SNX27: variants seen among roughly 807,000 people sequenced by gnomAD.
SNX27 encodes sorting nexin 27.
A neutral mutation model predicts 71.6 loss-of-function variants in SNX27; 22 were observed. The observed-to-expected ratio is 0.31, with a 90% CI of 0.22 to 0.44. The LOEUF (loss-of-function observed/expected upper bound fraction) is 0.44. Ranked by LOEUF, SNX27 falls within the 20% of genes least tolerant of loss-of-function variation. The pLI is 1.00. For synonymous variants in SNX27, 269 were observed against 277.2 expected (o/e 0.97, Z 0.29); for missense variants, 531 against 698.6 (o/e 0.76, Z 2.70).
rs374705161 is a variant in SNX27, at chr1:151,653,683, A to G, written c.544-4552A>G. 6.7e-4 allele frequency among the ~76,000 whole-genome samples: 102 copies of G among 151,674 alleles called. 1 individual carries two copies. The highest frequency in any genetic ancestry group is 2.4e-3 in the African/African-American group (98 of 41,364). On this transcript the variant is annotated intron_variant, in intron 2 of 11. Coordinates refer to ENST00000458013, the MANE Select transcript of SNX27 (RefSeq NM_001330723.2). ...CAAGCACACGTCATCACATCTGGCT[A>G]ATTTTTTTTTTACTTTTTGTAGAGA... is the stretch of plus-strand genomic sequence containing the variant.
chr1:151,695,374 A>T lies in SNX27; in HGVS notation c.*957A>T, dbSNP rs1671654502. On this transcript the variant is annotated 3_prime_UTR_variant, in exon 12 of 12. Transcript: ENST00000458013. The stretch of plus-strand genomic sequence containing the variant: ...TTGATGCCATGGGAACCTGAACCTG[A>T]AACACTTCATGGTAGTAATTTCCTG... 2 of 150,160 alleles carry T rather than the reference A, an allele frequency of 1.3e-5. No individual in the cohort carries two copies. Among genetic ancestry groups the T allele is most frequent in the Admixed American group, 1.3e-4 (2 of 15,078 alleles). 9.3% of individuals were successfully genotyped at this position (150,160 alleles called of 1,614,324 possible).
chr1:151,629,896 TATA>T (rs774318681), intron 1 of SNX27, among the ~76,000 whole-genome samples: 2 of 146,770 alleles, frequency 1.4e-5, no homozygotes, highest in African/African-American at 2.5e-5. Context: ...CATATATATA[TATA>T]TTTTTTTGTG....
At chr1:151,642,379 AG>A (rs1314175446) in intron 2 of SNX27, among the ~76,000 whole-genome samples, 4 of 151,754 alleles carry the variant, frequency 2.6e-5, no homozygotes, top group African/African-American at 7.3e-5. Context: ...ATCTCAAAAA[AG>A]AAAAAAAAAA....
chr1:151,685,554 T>C (rs1298930573), intron 8 of SNX27: 1 of 152,190 alleles, frequency 6.6e-6, no homozygotes, highest in Non-Finnish European at 1.5e-5. Flanking sequence ...TGGTAGCATG[T>C]GCCTGTAATC....
chr1:151,635,250 A>G (rs934804182), intron 1 of SNX27, among the ~76,000 whole-genome samples: 2 of 152,198 alleles, frequency 1.3e-5, no homozygotes, highest in African/African-American at 4.8e-5. Flanking sequence ...GCTTCCTCTC[A>G]TTTTAATTTT....
At chr1:151,693,899 G>T in intron 11 of SNX27, 2 of 1,384,348 alleles carry the variant, frequency 1.4e-6, no homozygotes, top group Non-Finnish European at 1.9e-6. Flanking sequence ...GTGAGGGAAG[G>T]TGTTTGCTGT....
intron 1 of SNX27, among the ~76,000 whole-genome samples, chr1:151,623,365 C>A (rs1264936525): frequency 2.0e-5 from 3 of 152,166 alleles, no homozygotes; most frequent in Non-Finnish European, 4.4e-5. Flanking sequence ...TGGTCTCTAT[C>A]TTCTGACCTC....
intron 1 of SNX27, among the ~76,000 whole-genome samples, chr1:151,624,649 C>T (rs936736504): frequency 6.6e-6 from 1 of 151,590 alleles, no homozygotes; most frequent in African/African-American, 2.4e-5. Context: ...TCAGGTTGGT[C>T]TCGAACTCCT....
chr1:151,663,578 C>T (rs1299663089), intron 5 of SNX27, among the ~76,000 whole-genome samples: 1 of 151,902 alleles, frequency 6.6e-6, no homozygotes, highest in South Asian at 2.1e-4. Context: ...CTGAATATAT[C>T]TGTTTGTTTT....
rs751866300 is a variant in SNX27, at chr1:151,693,476, G to A, written c.1571G>A (p.Arg524Lys). 1.2e-5 allele frequency: 20 copies of A among 1,614,030 alleles called. No individual in the cohort carries two copies. Among genetic ancestry groups the A allele is most frequent in the African/African-American group, 2.7e-5 (2 of 74,926 alleles). ...AGGGTGTTCTGCGAGCTCAAGTGGA[G>A]AAAAGAGGTAATTCTGAACAGTCCT... ...FERVFCELKW[R>K]KENIFQMARS... The change falls in exon 11 of 12, where the codon AGA (arginine) becomes AAA (lysine). Residue 524 changes from arginine to lysine, a missense_variant. Coordinates refer to ENST00000458013, the MANE Select transcript of SNX27 (RefSeq NM_001330723.2).
intron 1 of SNX27, among the ~76,000 whole-genome samples, chr1:151,629,693 C>T (rs1391498704): frequency 1.3e-5 from 2 of 150,376 alleles, no homozygotes; most frequent in African/African-American, 4.9e-5. Context: ...AAGCGATTCT[C>T]CTGCCTGAGC....
chr1:151,671,927 A>G (rs547169033), intron 7 of SNX27, among the ~76,000 whole-genome samples: 174 of 152,282 alleles, frequency 1.1e-3, no homozygotes, highest in African/African-American at 4.0e-3. Flanking sequence ...TTTTCCAAGT[A>G]TAAGATCATA....
Position 151,612,176 on chromosome 1 carries a change from G to A in SNX27, c.-26G>A. On this transcript the variant is annotated 5_prime_UTR_variant, in exon 1 of 12. Transcript: ENST00000458013. The surrounding 1 kb of genome is among the most constrained non-coding windows in gnomAD (Gnocchi z 5.2). ...GGGAGGCCTTGGAGGCGTAGGGGGC[G>A]GGGGTACGGCTCGCCTGCTCGCAAG... 4.5e-6 allele frequency: 6 copies of A among 1,324,976 alleles called. No homozygotes were observed. The highest frequency in any genetic ancestry group is 1.9e-5 in the South Asian group (1 of 52,008). The allele number at this position is 1,324,976 out of a possible 1,614,324, so 82.1% of individuals were successfully genotyped here.
chr1:151,666,786 C>T (rs1022487621), intron 6 of SNX27: 1 of 152,186 alleles, frequency 6.6e-6, no homozygotes, highest in African/African-American at 2.4e-5. Flanking sequence ...CCTAAAGCAG[C>T]CATCTCCCTA....
At position 151,612,588 on chromosome 1, in the gene SNX27, C is replaced by A. The variant is rs1019630860; in HGVS notation, c.311+76C>A. The A allele has an allele frequency of 3.6e-6, 4 of 1,113,604 alleles. No individual in the cohort carries two copies. In the South Asian group the frequency reaches 8.9e-5, roughly 25 times the overall value. 69.0% of individuals were successfully genotyped at this position (1,113,604 alleles called of 1,614,324 possible). ...CCTGCACTCCTCGCTACCCTTGTCACCCCCAGGCCGCACCTCCCCCGAGCT... is the reference window on the plus strand; with the variant it reads ...CCTGCACTCCTCGCTACCCTTGTCAACCCCAGGCCGCACCTCCCCCGAGCT... On this transcript the variant is annotated intron_variant, in intron 1 of 11. Transcript: ENST00000458013. This position sits in a 1 kb window ranked among gnomAD's most constrained non-coding sequence, Gnocchi z 5.2.
intron 8 of SNX27, among the ~76,000 whole-genome samples, chr1:151,687,464 G>T (rs1227394088): frequency 6.6e-6 from 1 of 152,126 alleles, no homozygotes; most frequent in Non-Finnish European, 1.5e-5. Flanking sequence ...GGAACGTTAG[G>T]TGCTTCAGAA....
chr1:151,612,515 G>A lies in SNX27; in HGVS notation c.311+3G>A. The A allele has an allele frequency of 7.3e-7, 1 of 1,367,698 alleles. No homozygotes were observed. Among genetic ancestry groups the A allele is most frequent in the Non-Finnish European group, 9.4e-7 (1 of 1,063,354 alleles). The allele number at this position is 1,367,698 out of a possible 1,614,324, so 84.7% of individuals were successfully genotyped here. A position where few individuals can be genotyped will look rare whatever the true frequency, so the allele number is the denominator to read the frequency against. On this transcript the variant is annotated splice_donor_region_variant and intron_variant, in intron 1 of 11. Coordinates refer to ENST00000458013, the MANE Select transcript of SNX27 (RefSeq NM_001330723.2). The surrounding 1 kb of genome is among the most constrained non-coding windows in gnomAD (Gnocchi z 5.2). Reference sequence around the variant, plus strand: ...AAGGGGGACCGCATCCTGGAGGTGTGAGTATCGGGGCTACCCGCCGCCCCA... The same window carrying A: ...AAGGGGGACCGCATCCTGGAGGTGTAAGTATCGGGGCTACCCGCCGCCCCA...
chr1:151,693,520 T>A, intron 11 of SNX27, 37 bp downstream of exon 11: 1 of 1,613,578 alleles, frequency 6.2e-7, no homozygotes. Flanking sequence ...CCTTTTCATC[T>A]TTTTGTTTCT....
At position 151,645,379 on chromosome 1, in the gene SNX27, G is replaced by A. The variant is rs554547168; in HGVS notation, c.543+6260G>A. On this transcript the variant is annotated intron_variant, in intron 2 of 11. Transcript: ENST00000458013. ...GTTCTTTGTATATTGAGTCATTTTG[G>A]ATTGTATCTTGCATATTTATGAATG... 9.9e-5 allele frequency among the ~76,000 whole-genome samples: 15 copies of A among 152,248 alleles called. 1 individual carries two copies. In the South Asian group the frequency reaches 3.1e-3, roughly 32 times the overall value.
Sources: gnomAD v4.1 joint callset for allele counts (sites outside exome capture counted in the v4.1 genomes callset) on GRCh38, gnomAD v4.1.1 for gene constraint, Gnocchi (gnomAD v3.1) non-coding constraint, MANE v1.5 for transcripts, NCBI Gene and HGNC (gene_info 2026-07-23, HGNC 2026-07-21) for gene names.